The following MRPL1 variants were observed in gnomAD, a reference collection of about 807,000 sequenced individuals.
The protein encoded by MRPL1 is large ribosomal subunit protein uL1m.
In MRPL1, 28 loss-of-function variants were observed where a neutral mutation model predicts 38.0. That is an observed-to-expected ratio of 0.74 (90% CI 0.55 to 1.01). The LOEUF (loss-of-function observed/expected upper bound fraction) is 1.01. Ranked by LOEUF, MRPL1 falls within the 50% of genes least tolerant of loss-of-function variation. The probability of loss-of-function intolerance (pLI) is 0.00; values close to 1 mark genes in which losing one functional copy is unlikely to be tolerated. For missense variants in MRPL1, 358 were observed against 389.8 expected (o/e 0.92, Z 0.69); for synonymous variants, 123 against 126.7 (o/e 0.97, Z 0.20).
intron 6 of MRPL1, among the ~76,000 whole-genome samples, chr4:77,907,892 CTTT>C (rs537450784): frequency 5.0e-5 from 7 of 139,138 alleles, no homozygotes; most frequent in Admixed American, 1.4e-4. Context: ...CTTTTCTTTT[CTTT>C]TTTTTTTTTT....
chr4:77,949,294 T>C (rs1737351548), intron 7 of MRPL1, among the ~76,000 whole-genome samples: 2 of 152,214 alleles, frequency 1.3e-5, no homozygotes, highest in South Asian at 2.1e-4. Flanking sequence ...ATAATTGTTA[T>C]TGCATAGTGT....
At chr4:77,930,498 A>C (rs765634579) in intron 7 of MRPL1, among the ~76,000 whole-genome samples, 9 of 152,350 alleles carry the variant, frequency 5.9e-5, no homozygotes, top group East Asian at 1.9e-4. Flanking sequence ...CCTTCTGGGA[A>C]TCTAATGCCT....
intron 6 of MRPL1, 111 bp downstream of exon 6, chr4:77,894,361 T>C: frequency 1.6e-6 from 1 of 641,064 alleles, no homozygotes; most frequent in Non-Finnish European, 2.6e-6. Context: ...TATGTCCTGG[T>C]ATTTGAGTTT....
At chr4:77,889,358 G>C (rs1735755023) in intron 5 of MRPL1, among the ~76,000 whole-genome samples, 1 of 152,184 alleles carries the variant, frequency 6.6e-6, no homozygotes, top group African/African-American at 2.4e-5. Flanking sequence ...CATGGAAACT[G>C]AACAACCTGC....
intron 7 of MRPL1, among the ~76,000 whole-genome samples, chr4:77,920,859 T>G (rs1343742361): frequency 6.6e-6 from 1 of 152,094 alleles, no homozygotes; most frequent in Admixed American, 6.6e-5. Context: ...ACCTCTTTGT[T>G]TCAACTGATT....
chr4:77,921,995 G>C (rs560075991), intron 7 of MRPL1, among the ~76,000 whole-genome samples: 1 of 152,044 alleles, frequency 6.6e-6, no homozygotes, highest in Non-Finnish European at 1.5e-5. Context: ...AGATAATGGG[G>C]TTATATACAT....
At chr4:77,876,131 C>T (rs1262287636) in intron 2 of MRPL1, among the ~76,000 whole-genome samples, 2 of 152,080 alleles carry the variant, frequency 1.3e-5, no homozygotes, top group African/African-American at 2.4e-5. Flanking sequence ...CACCACCACA[C>T]CTTGCTAATT....
At chr4:77,937,346 C>T (rs1455078946) in intron 7 of MRPL1, among the ~76,000 whole-genome samples, 1 of 152,072 alleles carries the variant, frequency 6.6e-6, no homozygotes, top group African/African-American at 2.4e-5. Flanking sequence ...GCTTGTGTGT[C>T]CTGAAGTGGG....
intron 7 of MRPL1, among the ~76,000 whole-genome samples, chr4:77,935,931 C>CAAA (rs33923654): frequency 3.3e-5 from 4 of 121,684 alleles, no homozygotes; most frequent in Admixed American, 8.1e-5. Context: ...GACTATGTCT[C>CAAA]AAAAAAAAAA....
At chr4:77,882,133 A>G (rs1206957583) in intron 2 of MRPL1, among the ~76,000 whole-genome samples, 6 of 152,254 alleles carry the variant, frequency 3.9e-5, no homozygotes, top group Admixed American at 3.3e-4. Context: ...AGCAGAGAAC[A>G]TATGGCTCAC....
chr4:77,869,497 T>G (rs927591866), intron 1 of MRPL1, among the ~76,000 whole-genome samples: 1 of 152,232 alleles, frequency 6.6e-6, no homozygotes, highest in East Asian at 1.9e-4. Flanking sequence ...TCTTTTGGTC[T>G]GTAGTGTTTG....
At position 77,919,679 on chromosome 4, in the gene MRPL1, T is replaced by G. The variant is rs143350549; in HGVS notation, c.777+10307T>G. ...TTATCAACAAAATAGGGCATGGCTA[T>G]AGTTTAAAGAAAAATTTAAAATGTG... On this transcript the variant is annotated intron_variant, in intron 7 of 8. Coordinates refer to ENST00000315567, the MANE Select transcript of MRPL1 (RefSeq NM_020236.4). Among the ~76,000 whole-genome samples, 186 of 152,232 alleles carry G rather than the reference T, an allele frequency of 1.2e-3. 1 individual carries two copies. In the East Asian group the frequency reaches 0.031, roughly 25 times the overall value.
At chr4:77,900,609 G>C (rs960566274) in intron 6 of MRPL1, among the ~76,000 whole-genome samples, 1 of 152,168 alleles carries the variant, frequency 6.6e-6, no homozygotes, top group Non-Finnish European at 1.5e-5. Flanking sequence ...CTATCATTTG[G>C]TATATAAAAT....
intron 7 of MRPL1, among the ~76,000 whole-genome samples, chr4:77,944,718 A>T (rs1209253415): frequency 6.6e-6 from 1 of 151,968 alleles, no homozygotes; most frequent in Non-Finnish European, 1.5e-5. Context: ...AAAAATTCTT[A>T]TTTTTCCATC....
intron 2 of MRPL1, among the ~76,000 whole-genome samples, chr4:77,875,415 T>C (rs930458569): frequency 1.3e-5 from 2 of 151,470 alleles, no homozygotes; most frequent in Non-Finnish European, 2.9e-5. Flanking sequence ...TCCCAGCACT[T>C]TGGGAGGCCA....
intron 7 of MRPL1, among the ~76,000 whole-genome samples, chr4:77,933,857 G>A (rs1248453049): frequency 6.6e-6 from 1 of 152,206 alleles, no homozygotes; most frequent in Non-Finnish European, 1.5e-5. Context: ...CAGTTCTACT[G>A]TGGGTTTTTA....
chr4:77,935,931 CAAAAA>C (rs33923654), intron 7 of MRPL1, among the ~76,000 whole-genome samples: 1 of 121,700 alleles, frequency 8.2e-6, no homozygotes, highest in Non-Finnish European at 1.7e-5. Flanking sequence ...GACTATGTCT[CAAAAA>C]AAAAAAAAAA....
rs746353089 is a variant in MRPL1, at chr4:77,894,139, A to T, written c.559A>T (p.Ile187Phe). The T allele has an allele frequency of 3.2e-6, 5 of 1,554,712 alleles. No homozygotes were observed. Among genetic ancestry groups the T allele is most frequent in the South Asian group, 1.2e-5 (1 of 85,818 alleles). ...FAGGTSLIQK[I>F]WDDEIVADFY... ...TCACCTTTTTTTTTTTAATTTTCAG[A>T]TTTGGGATGATGAAATTGTTGCAGA... The change falls in exon 6 of 9, where the codon ATT becomes TTT. Residue 187 changes from isoleucine to phenylalanine, a missense_variant and splice_region_variant. Transcript: ENST00000315567.
rs779531340 is a variant in MRPL1, at chr4:77,883,338, C to T, written c.240C>T (p.Gly80=). The change falls in exon 3 of 9, where the codon GGC becomes GGT. Residue 80 remains glycine (G), a synonymous_variant. Transcript: ENST00000315567. The part of the protein sequence containing the change: ...EKIKAYPYME[G]EPEDDVYLKR... ...TAAAAGCATATCCCTATATGGAAGGCGAACCTGAGGATGATGTCTATTTAA... is the reference window on the plus strand; with the variant it reads ...TAAAAGCATATCCCTATATGGAAGGTGAACCTGAGGATGATGTCTATTTAA... 32 of 1,613,208 alleles carry T rather than the reference C, an allele frequency of 2.0e-5. No individual in the cohort carries two copies. The East Asian group carries it at 2.9e-4, about 15-fold the overall frequency.
Sources: allele counts gnomAD v4.1 joint callset (sites outside exome capture counted in the v4.1 genomes callset), GRCh38; gene constraint gnomAD v4.1.1; transcripts MANE v1.5; gene names NCBI Gene and HGNC (gene_info 2026-07-23, HGNC 2026-07-21).